CFAP97D2: variants seen among roughly 807,000 people sequenced by gnomAD.
The protein encoded by CFAP97D2 is CFAP97 domain containing 2.
chr13:114,188,836 A>T (rs1443114630), intron 1 of CFAP97D2, among the ~76,000 whole-genome samples: 1 of 150,832 alleles, frequency 6.6e-6, no homozygotes, highest in Non-Finnish European at 1.5e-5. Context: ...GAAGTAAAGA[A>T]ATAATAAAAA....
chr13:114,211,224 T>C lies in CFAP97D2; in HGVS notation c.291-688T>C, dbSNP rs1156467043. Among the ~76,000 whole-genome samples, 5 of 152,048 alleles carry C rather than the reference T, an allele frequency of 3.3e-5. No homozygotes were observed. The highest frequency in any genetic ancestry group is 5.9e-5 in the Non-Finnish European group (4 of 67,998). On this transcript the variant is annotated intron_variant, in intron 3 of 4. Transcript: ENST00000646158. The surrounding 1 kb of genome is among the most constrained non-coding windows in gnomAD (Gnocchi z 4.2). ...GCTTCCGCAGCCCCCCATGGCTCCC[T>C]CTCCATCCAATGCAGCCTCCTGAAC... is the stretch of plus-strand genomic sequence containing the variant.
At chr13:114,222,560 A>AAC (rs60229887), downstream of CFAP97D2, 19,678 of 398,568 alleles carry the variant, frequency 0.049, 913 homozygotes, top group African/African-American at 0.13. The surrounding 1 kb of genome is among the most constrained non-coding windows in gnomAD (Gnocchi z 4.4). Context: ...AGAAGTGAGG[A>AAC]AGGGTAAGGA....
At chr13:114,196,077 A>C (rs1437241671) in intron 1 of CFAP97D2, among the ~76,000 whole-genome samples, 1 of 25,492 alleles carries the variant, frequency 3.9e-5, no homozygotes, top group Non-Finnish European at 6.5e-5. Flanking sequence ...AGCGAGACTC[A>C]AAAAAAAAAA....
At chr13:114,181,155 T>C (rs563840740) in intron 1 of CFAP97D2, among the ~76,000 whole-genome samples, 98 of 152,276 alleles carry the variant, frequency 6.4e-4, no homozygotes, top group African/African-American at 1.9e-3. Flanking sequence ...GTGTCTGACC[T>C]GGAGGGGATG....
chr13:114,210,971 A>G (rs2080964543), intron 3 of CFAP97D2, among the ~76,000 whole-genome samples: 1 of 152,134 alleles, frequency 6.6e-6, no homozygotes, highest in Non-Finnish European at 1.5e-5. Flanking sequence ...GCAATCTGTC[A>G]CCAATGAAAT....
upstream of CFAP97D2, chr13:114,179,316 G>C (rs1419045002): frequency 2.5e-6 from 1 of 398,636 alleles, no homozygotes; most frequent in African/African-American, 2.1e-5. The surrounding 1 kb of genome is among the most constrained non-coding windows in gnomAD (Gnocchi z 4.8). Flanking sequence ...TGAGCAAGAC[G>C]ATTTTGTTGC....
chr13:114,219,552 G>A (rs2081010732), intron 4 of CFAP97D2, among the ~76,000 whole-genome samples: 1 of 152,164 alleles, frequency 6.6e-6, no homozygotes, highest in African/African-American at 2.4e-5. Flanking sequence ...AACAAAAAAA[G>A]GGAAAACAGA....
Position 114,179,852 on chromosome 13 carries a change from T to C in CFAP97D2, c.90+432T>C, listed in dbSNP as rs2080826279. ...GGATGTTGCCATAGGGGTGTTGCCA[T>C]GTTGGTCAGGCTAGTCTTGAACTCC... On this transcript the variant is annotated intron_variant, in intron 1 of 4. Transcript: ENST00000646158. This position sits in a 1 kb window ranked among gnomAD's most constrained non-coding sequence, Gnocchi z 4.8. Among the ~76,000 whole-genome samples the C allele has an allele frequency of 6.6e-6, 1 of 152,180 alleles. No individual in the cohort carries two copies. The highest frequency in any genetic ancestry group is 2.4e-5 in the African/African-American group (1 of 41,440).
At chr13:114,208,955 C>A (rs1407415008) in intron 3 of CFAP97D2, among the ~76,000 whole-genome samples, 1 of 152,138 alleles carries the variant, frequency 6.6e-6, no homozygotes, top group Admixed American at 6.5e-5. Context: ...CAGCCTCATC[C>A]CTCAGAGAAT....
At chr13:114,194,675 A>G (rs1301206257) in intron 1 of CFAP97D2, among the ~76,000 whole-genome samples, 1 of 152,064 alleles carries the variant, frequency 6.6e-6, no homozygotes, top group Non-Finnish European at 1.5e-5. Context: ...TTTCGACCAC[A>G]CCACTGCTTC....
At chr13:114,220,400 G>A (rs9590480) in intron 4 of CFAP97D2, among the ~76,000 whole-genome samples, 20,002 of 152,140 alleles carry the variant, frequency 0.13, 1,586 homozygotes, top group African/African-American at 0.23. Flanking sequence ...GACGGAGGCT[G>A]TACTGCTAGT....
chr13:114,202,674 T>G (rs922472323), intron 3 of CFAP97D2, among the ~76,000 whole-genome samples: 1 of 152,220 alleles, frequency 6.6e-6, no homozygotes, highest in African/African-American at 2.4e-5. Flanking sequence ...TCATCTTGTC[T>G]GCAGTTGCCT....
At chr13:114,205,315 A>G (rs1389131529) in intron 3 of CFAP97D2, among the ~76,000 whole-genome samples, 1 of 152,242 alleles carries the variant, frequency 6.6e-6, no homozygotes, top group Admixed American at 6.5e-5. Context: ...TATTTACCAT[A>G]TAACCAATTT....
chr13:114,214,648 G>A (rs373260445), intron 4 of CFAP97D2, among the ~76,000 whole-genome samples: 176 of 152,146 alleles, frequency 1.2e-3, no homozygotes, highest in Middle Eastern at 0.01. Context: ...GTGCAGTGGC[G>A]CGATCTTGGC....
intron 4 of CFAP97D2, among the ~76,000 whole-genome samples, chr13:114,212,590 C>CT (rs1350519267): frequency 6.6e-6 from 1 of 151,910 alleles, no homozygotes; most frequent in Non-Finnish European, 1.5e-5. Context: ...TGGCTCATGC[C>CT]TATAATCCCA....
chr13:114,218,541 G>A (rs182833473), intron 4 of CFAP97D2, among the ~76,000 whole-genome samples: 57 of 152,192 alleles, frequency 3.7e-4, no homozygotes, highest in Admixed American at 5.9e-4. Context: ...AAGTTCATAT[G>A]GAACCAAAAA....
intron 1 of CFAP97D2, among the ~76,000 whole-genome samples, chr13:114,182,079 C>T (rs192186745): frequency 2.6e-5 from 4 of 151,962 alleles, no homozygotes; most frequent in South Asian, 2.1e-4. Flanking sequence ...CTCTGAGTTC[C>T]CTCAGTTTTT....
Position 114,202,426 on chromosome 13 carries a change from CATTT to C in CFAP97D2, c.290+1985_290+1988del. ...CTTTTGAAAATGGTTAAAACACAGT[CATTT>C]AGAGTCTCTGCTGTATGGTCCTAAG... On this transcript the variant is annotated intron_variant, in intron 3 of 4. Transcript: ENST00000646158. Among the ~76,000 whole-genome samples the C allele has an allele frequency of 3.3e-5, 5 of 152,308 alleles. 1 individual carries two copies. Among genetic ancestry groups the C allele is most frequent in the Admixed American group, 1.3e-4 (2 of 15,300 alleles).
exon 4 of CFAP97D2, chr13:114,212,029 T>C: frequency 2.5e-6 from 1 of 398,678 alleles, no homozygotes; most frequent in Non-Finnish European, 4.4e-6. Context: ...GTGTGAAGAC[T>C]GGGGCAGGGC....
Sources: gnomAD v4.1 joint callset for allele counts (sites outside exome capture counted in the v4.1 genomes callset) on GRCh38, gnomAD v4.1.1 for gene constraint, Gnocchi (gnomAD v3.1) non-coding constraint, MANE v1.5 for transcripts, NCBI Gene and HGNC (gene_info 2026-07-23, HGNC 2026-07-21) for gene names.